LGR6: variants seen among roughly 807,000 people sequenced by gnomAD.
LGR6 encodes the protein leucine rich repeat containing G protein-coupled receptor 6.
In LGR6, 45 loss-of-function variants were observed where a neutral mutation model predicts 69.4. The ratio of observed to expected loss-of-function variants is 0.65; its 90% confidence interval spans 0.51 to 0.83. The LOEUF (loss-of-function observed/expected upper bound fraction) is 0.83, where lower values mean the gene tolerates loss of function less well. Ranked by LOEUF, LGR6 falls within the 40% of genes least tolerant of loss-of-function variation. The pLI is 0.00. For synonymous variants in LGR6, 538 were observed against 555.0 expected (o/e 0.97, Z 0.43); for missense variants, 1,108 against 1,246.7 (o/e 0.89, Z 1.68).
intron 1 of LGR6, chr1:202,196,981 A>G: frequency 1.9e-6 from 1 of 527,370 alleles, no homozygotes; most frequent in South Asian, 1.4e-5. Flanking sequence ...TCCTCCTGAC[A>G]CAGAGTTAAA....
Position 202,268,380 on chromosome 1 carries a change from C to T in LGR6, c.429-7926C>T, listed in dbSNP as rs758973115. On this transcript the variant is annotated intron_variant, in intron 4 of 17. Coordinates refer to ENST00000367278, the MANE Select transcript of LGR6 (RefSeq NM_001017403.2). This position sits in a 1 kb window ranked among gnomAD's most constrained non-coding sequence, Gnocchi z 4.4. ...TCCCAGGCAGGCTCTCGGTCAGGGC[C>T]GTTGGTCCCTCCAGGCAATCAACGG... Among the ~76,000 whole-genome samples, 4 of 152,190 alleles carry T rather than the reference C, an allele frequency of 2.6e-5. No individual in the cohort carries two copies. The highest frequency in any genetic ancestry group is 7.2e-5 in the African/African-American group (3 of 41,454).
intron 4 of LGR6, among the ~76,000 whole-genome samples, chr1:202,237,525 TA>T (rs370415146): frequency 5.9e-5 from 9 of 152,290 alleles, no homozygotes; most frequent in African/African-American, 2.2e-4. Context: ...TTTACTTTTT[TA>T]AAAAAAATCG....
chr1:202,319,448 T>C lies in LGR6; in HGVS notation c.*241T>C, dbSNP rs1328051626. The C allele has an allele frequency of 6.2e-6, 3 of 480,686 alleles. No homozygotes were observed. The highest frequency in any genetic ancestry group is 7.7e-5 in the Admixed American group (2 of 25,812). The allele number at this position is 480,686 out of a possible 1,614,324, so 29.8% of individuals were successfully genotyped here. On this transcript the variant is annotated 3_prime_UTR_variant, in exon 18 of 18. Transcript: ENST00000367278. The stretch of plus-strand genomic sequence containing the variant: ...TTGATACTGGGCCTCTTCCTTGTCA[T>C]GTCTGAAGCTGTGGACCAGAGACCT...
At chr1:202,228,052 G>T (rs370614517) in intron 3 of LGR6, 45 bp downstream of exon 3, 3 of 1,392,816 alleles carry the variant, frequency 2.2e-6, no homozygotes, top group African/African-American at 2.8e-5. Context: ...GCAGCACTGA[G>T]AATGGTGAGC....
intron 1 of LGR6, among the ~76,000 whole-genome samples, chr1:202,195,432 T>G (rs780860873): frequency 3.4e-4 from 52 of 152,040 alleles, no homozygotes; most frequent in Non-Finnish European, 6.0e-4. Context: ...GGTTGGGATG[T>G]CCCCCTCCAC....
At chr1:202,208,587 C>A (rs1236807126) in intron 1 of LGR6, among the ~76,000 whole-genome samples, 1 of 151,838 alleles carries the variant, frequency 6.6e-6, no homozygotes, top group Non-Finnish European at 1.5e-5. Context: ...AGAACAAGGC[C>A]CCCCATTAAC....
intron 1 of LGR6, among the ~76,000 whole-genome samples, chr1:202,223,262 C>T (rs1340166460): frequency 1.3e-5 from 2 of 152,232 alleles, no homozygotes; most frequent in South Asian, 2.1e-4. Context: ...TGAGAAGCAG[C>T]GCTGGGTGCA....
intron 1 of LGR6, among the ~76,000 whole-genome samples, chr1:202,201,790 G>A (rs1658845779): frequency 6.6e-6 from 1 of 152,196 alleles, no homozygotes; most frequent in Non-Finnish European, 1.5e-5. Flanking sequence ...CCATCTATGG[G>A]GGCTACTTGG....
At chr1:202,227,786 C>T (rs1660673757) in intron 2 of LGR6, 150 bp from the exon 3 acceptor site, 1 of 612,010 alleles carries the variant, frequency 1.6e-6, no homozygotes, top group Non-Finnish European at 3.0e-6. Context: ...TGAGGCAATG[C>T]ATGTGAAGTA....
chr1:202,211,408 C>T (rs987683423), intron 1 of LGR6, among the ~76,000 whole-genome samples: 7 of 152,216 alleles, frequency 4.6e-5, no homozygotes, highest in African/African-American at 1.7e-4. Context: ...GGCTGGAGTG[C>T]AGTGGTGTGA....
intron 6 of LGR6, among the ~76,000 whole-genome samples, chr1:202,286,671 G>A (rs978606409): frequency 1.3e-5 from 2 of 152,086 alleles, no homozygotes; most frequent in South Asian, 2.1e-4. Context: ...TTACATTTGT[G>A]GGTTTATTAG....
At chr1:202,263,412 C>T (rs1317317993) in intron 4 of LGR6, among the ~76,000 whole-genome samples, 1 of 152,198 alleles carries the variant, frequency 6.6e-6, no homozygotes, top group Admixed American at 6.5e-5. Flanking sequence ...ACATGAGCCA[C>T]CGCGCCCGGC....
Position 202,274,122 on chromosome 1 carries a change from A to C in LGR6, c.429-2184A>C, listed in dbSNP as rs188638239. ...CAATAGAATGGGGTGTCAAAGCAGG[A>C]CAGCCAGGATCCTCGACCATCCCTG... On this transcript the variant is annotated intron_variant, in intron 4 of 17. Coordinates refer to ENST00000367278, the MANE Select transcript of LGR6 (RefSeq NM_001017403.2). Among the ~76,000 whole-genome samples, 94 of 152,264 alleles carry C rather than the reference A, an allele frequency of 6.2e-4. No homozygotes were observed. In the South Asian group the frequency reaches 0.011, roughly 18 times the overall value.
chr1:202,257,333 T>G (rs1663855573), intron 4 of LGR6, among the ~76,000 whole-genome samples: 4 of 152,226 alleles, frequency 2.6e-5, no homozygotes, highest in Admixed American at 2.0e-4. Context: ...TTTTTTGGTT[T>G]GTTTGTTGTA....
intron 6 of LGR6, among the ~76,000 whole-genome samples, chr1:202,289,551 G>A (rs1192923836): frequency 6.6e-6 from 1 of 152,230 alleles, no homozygotes; most frequent in African/African-American, 2.4e-5. Context: ...AACGTAGGTG[G>A]AAGGAGGGAG....
intron 10 of LGR6, among the ~76,000 whole-genome samples, chr1:202,303,934 C>T (rs530496835): frequency 1.3e-4 from 20 of 152,276 alleles, no homozygotes; most frequent in African/African-American, 3.9e-4. Context: ...GATTCACTGG[C>T]ATGTGGAAAA....
At chr1:202,247,211 C>T (rs1312106449) in intron 4 of LGR6, among the ~76,000 whole-genome samples, 2 of 152,244 alleles carry the variant, frequency 1.3e-5, no homozygotes, top group Non-Finnish European at 2.9e-5. Context: ...CTCCAATCCT[C>T]GCCACTCAAA....
intron 1 of LGR6, chr1:202,203,857 C>A: frequency 6.2e-7 from 1 of 1,613,540 alleles, no homozygotes; most frequent in South Asian, 1.1e-5. Flanking sequence ...TGTCAAGTGT[C>A]AATAATCATC....
chr1:202,296,287 G>A (rs1667157990), intron 6 of LGR6, among the ~76,000 whole-genome samples: 2 of 152,130 alleles, frequency 1.3e-5, no homozygotes, highest in Admixed American at 6.5e-5. Context: ...GATCCAAGAG[G>A]CATTAAGACA....
Sources: gnomAD v4.1 joint callset for allele counts (sites outside exome capture counted in the v4.1 genomes callset) on GRCh38, gnomAD v4.1.1 for gene constraint, Gnocchi (gnomAD v3.1) non-coding constraint, MANE v1.5 for transcripts, NCBI Gene and HGNC (gene_info 2026-07-23, HGNC 2026-07-21) for gene names.